Variants in RYR2 observed in about 807,000 individuals in gnomAD.
RYR2 encodes the protein cardiac muscle ryanodine receptor-calcium release channel.
In RYR2, 227 loss-of-function variants were observed where a neutral mutation model predicts 601.1. The ratio of observed to expected loss-of-function variants is 0.38; its 90% CI spans 0.34 to 0.42. The LOEUF is 0.42. Among genes scored for constraint, RYR2 ranks in the 10% least tolerant of loss-of-function variants. The pLI is 1.00. For missense variants in RYR2, 4,646 were observed against 6,156.5 expected (o/e 0.75, Z 8.21); for synonymous variants, 2,223 against 2,175.1 (o/e 1.02, Z -0.61).
chr1:237,591,211 TTCTCCTCCTCCCCCTTCTCCTCCTCC>T, intron 31 of RYR2, among the ~76,000 whole-genome samples: 1 of 96,436 alleles, frequency 1.0e-5, no homozygotes, highest in Non-Finnish European at 2.1e-5. Flanking sequence ...CTCCTCCCCC[TTCTCCTCCTCCCCCTTCTCCTCCTCC>T]TCTTTGTGCA....
At position 237,308,207 on chromosome 1, in the gene RYR2, GATA is replaced by G. The variant is rs139652140; in HGVS notation, c.169-22664_169-22662del. ...ATGGCATTCCTAATTTTGCTTTAAA[GATA>G]ATAATATCGATTCTTGCAAACTATA... On this transcript the variant is annotated intron_variant, in intron 2 of 104. Coordinates refer to ENST00000366574, the MANE Select transcript of RYR2 (RefSeq NM_001035.3). Among the ~76,000 whole-genome samples the G allele has an allele frequency of 8.9e-3, 1,356 of 152,306 alleles. 6 individuals carry two copies. The highest frequency in any genetic ancestry group is 0.014 in the East Asian group (71 of 5,182).
At chr1:237,056,545 T>C (rs77939107) in intron 1 of RYR2, among the ~76,000 whole-genome samples, 321 of 21,646 alleles carry the variant, frequency 0.015, no homozygotes, top group Non-Finnish European at 0.019. Flanking sequence ...TCTGTGAGGA[T>C]TGGAGCACTG....
At chr1:237,683,412 CT>C (rs1173945630) in intron 62 of RYR2, among the ~76,000 whole-genome samples, 4 of 152,106 alleles carry the variant, frequency 2.6e-5, no homozygotes, top group African/African-American at 9.7e-5. Context: ...GAGTATAGCC[CT>C]AGTGAAAGCC....
chr1:237,659,921 G>C (rs1683609210), intron 54 of RYR2, 64 bp from the exon 55 acceptor site: 1 of 1,039,894 alleles, frequency 9.6e-7, no homozygotes, highest in South Asian at 1.6e-5. Flanking sequence ...TTAAACACCT[G>C]CATATCTACA....
At chr1:237,508,868 G>A (rs1015825906) in intron 23 of RYR2, among the ~76,000 whole-genome samples, 1 of 146,360 alleles carries the variant, frequency 6.8e-6, no homozygotes, top group Admixed American at 6.9e-5. Flanking sequence ...TCAGCCTCCC[G>A]AGTAGCTGGG....
intron 1 of RYR2, among the ~76,000 whole-genome samples, chr1:237,214,825 A>G (rs1406742694): frequency 1.3e-5 from 2 of 152,224 alleles, no homozygotes; most frequent in East Asian, 3.8e-4. Context: ...ATAAAATACA[A>G]CATTCATTGA....
At chr1:237,557,389 C>G (rs145417272) in intron 27 of RYR2, among the ~76,000 whole-genome samples, 22 of 152,204 alleles carry the variant, frequency 1.4e-4, no homozygotes, top group African/African-American at 5.3e-4. Context: ...AAAGTAGGTA[C>G]AGCTAAGTCA....
intron 10 of RYR2, among the ~76,000 whole-genome samples, chr1:237,397,446 G>C (rs563018248): frequency 2.4e-4 from 37 of 152,136 alleles, no homozygotes; most frequent in Non-Finnish European, 4.9e-4. Context: ...AGAAGTTACA[G>C]GCCAAGTCAT....
At chr1:237,748,069 G>A (rs2819769) in intron 80 of RYR2, among the ~76,000 whole-genome samples, 139,785 of 152,158 alleles carry the variant, frequency 0.92, 65,418 homozygotes, top group East Asian at 1. Flanking sequence ...CAGATTTCCT[G>A]GAAAACACAG....
At chr1:237,204,469 A>G (rs1681557959) in intron 1 of RYR2, among the ~76,000 whole-genome samples, 1 of 151,572 alleles carries the variant, frequency 6.6e-6, no homozygotes, top group South Asian at 2.1e-4. Flanking sequence ...TAAAGCTGTT[A>G]TGAATGTTCT....
At chr1:237,509,144 C>A (rs1007034504) in intron 23 of RYR2, among the ~76,000 whole-genome samples, 2 of 152,210 alleles carry the variant, frequency 1.3e-5, no homozygotes, top group Non-Finnish European at 2.9e-5. Context: ...TGAGGCAACA[C>A]TGGGCTTGAT....
At chr1:237,757,418 C>T (rs570640780) in intron 81 of RYR2, among the ~76,000 whole-genome samples, 11 of 152,170 alleles carry the variant, frequency 7.2e-5, no homozygotes, top group South Asian at 2.1e-4. Flanking sequence ...TTTCAGGTCT[C>T]GATATTTCAA....
At chr1:237,622,623 A>T (rs1328092697) in intron 38 of RYR2, among the ~76,000 whole-genome samples, 1 of 152,166 alleles carries the variant, frequency 6.6e-6, no homozygotes, top group Non-Finnish European at 1.5e-5. Context: ...TATTGAAAAT[A>T]TTCAGAAAAA....
At chr1:237,562,505 T>C (rs927632954) in intron 27 of RYR2, among the ~76,000 whole-genome samples, 1 of 152,116 alleles carries the variant, frequency 6.6e-6, no homozygotes, top group African/African-American at 2.4e-5. Context: ...AGGTGATTGG[T>C]GGTGTGTCAT....
In RYR2 at chr1:237,503,481, A is replaced by T. The variant is rs587781141; in HGVS notation, c.2589A>T (p.Thr863=). ...TTTCCCTGACGCAAGCTGCCTTCACACCCATCCCTGTGGATACCAGCCAGG... is the reference window on the plus strand; with the variant it reads ...TTTCCCTGACGCAAGCTGCCTTCACTCCCATCCCTGTGGATACCAGCCAGG... ...PTVSLTQAAF[T]PIPVDTSQIV... Residue 863 remains threonine, a synonymous_variant, in exon 22 of 105, where the codon ACA becomes ACT. Coordinates refer to ENST00000366574, the MANE Select transcript of RYR2 (RefSeq NM_001035.3). The T allele has an allele frequency of 6.8e-6, 11 of 1,613,786 alleles. No individual in the cohort carries two copies. The highest frequency in any genetic ancestry group is 1.7e-4 in the Middle Eastern group (1 of 6,056).
chr1:237,769,787 T>G (rs564486692), intron 84 of RYR2, among the ~76,000 whole-genome samples: 1 of 152,148 alleles, frequency 6.6e-6, no homozygotes, highest in East Asian at 1.9e-4. Context: ...CACTGGCTTT[T>G]TTGTCATTTT....
chr1:237,732,085 A>C lies in RYR2; in HGVS notation c.10975A>C (p.Lys3659Gln), dbSNP rs184527312. 2 of 1,611,758 alleles carry C rather than the reference A, an allele frequency of 1.2e-6. No homozygotes were observed. Among genetic ancestry groups the C allele is most frequent in the African/African-American group, 2.7e-5 (2 of 74,950 alleles). The change falls in exon 78 of 105, where the codon AAG becomes CAG. Residue 3659 changes from lysine (K) to glutamine (Q), a missense_variant. Physicochemically the swap from Lys to Gln is moderately conservative, Grantham distance 53 (BLOSUM62 1). Coordinates refer to ENST00000366574, the MANE Select transcript of RYR2 (RefSeq NM_001035.3). ...ACCTCCAGAAGAAGATGAAGGCACT[A>C]AGAGAGTTGATCCTCTACATCAGCT... ...AEPPEEDEGT[K>Q]RVDPLHQLIL... is the part of the protein sequence containing the mutation.
intron 3 of RYR2, among the ~76,000 whole-genome samples, chr1:237,347,174 C>A (rs1698378267): frequency 6.6e-6 from 1 of 151,848 alleles, no homozygotes. Flanking sequence ...ATTTAAAAAA[C>A]TAGCTGGACG....
chr1:237,814,051 C>T (rs1040209545), intron 100 of RYR2, among the ~76,000 whole-genome samples: 1 of 152,192 alleles, frequency 6.6e-6, no homozygotes, highest in African/African-American at 2.4e-5. Context: ...AAAACTCCCA[C>T]ATGGGAATGG....
Sources: gnomAD v4.1 joint callset for allele counts (sites outside exome capture counted in the v4.1 genomes callset) on GRCh38, gnomAD v4.1.1 for gene constraint, MANE v1.5 for transcripts, NCBI Gene and HGNC (gene_info 2026-07-23, HGNC 2026-07-21) for gene names.